The following TPTE variants were observed in gnomAD, a reference collection of about 807,000 sequenced individuals.
TPTE encodes transmembrane phosphatase with tensin homology.
In TPTE, 59 loss-of-function variants were observed where a neutral mutation model predicts 84.1. That is an observed-to-expected ratio of 0.70 (90% CI 0.57 to 0.87). TPTE has a LOEUF of 0.87. TPTE is among the 40% of genes least tolerant of loss of function. The pLI, the probability that TPTE is intolerant of heterozygous loss-of-function variation, is 0.00. For missense variants in TPTE, 382 were observed against 659.6 expected (o/e 0.58, Z 4.61); for synonymous variants, 130 against 223.5 (o/e 0.58, Z 3.73).
chr21:10,574,541 CAA>C (rs2075112152), intron 14 of TPTE, among the ~76,000 whole-genome samples: 1 of 152,310 alleles, frequency 6.6e-6, no homozygotes, highest in Non-Finnish European at 1.5e-5. Flanking sequence ...GCCGCGCTCA[CAA>C]AGAGGAATGA....
intron 11 of TPTE, among the ~76,000 whole-genome samples, chr21:10,568,543 G>C (rs1470311717): frequency 6.6e-6 from 1 of 152,310 alleles, no homozygotes. Flanking sequence ...TCCTAAGCTT[G>C]TTCATGGGTC....
chr21:10,523,605 T>C (rs1216481104), intron 1 of TPTE, among the ~76,000 whole-genome samples: 1 of 152,420 alleles, frequency 6.6e-6, no homozygotes, highest in African/African-American at 2.4e-5. Flanking sequence ...ATTTCATCCA[T>C]GTCCCTACAA....
intron 17 of TPTE, among the ~76,000 whole-genome samples, chr21:10,587,423 T>G (rs1288530155): frequency 6.6e-6 from 1 of 152,312 alleles, no homozygotes; most frequent in Non-Finnish European, 1.5e-5. Flanking sequence ...TTGATGTCCA[T>G]GAGCACCCAT....
intron 14 of TPTE, among the ~76,000 whole-genome samples, chr21:10,572,650 G>A (rs1416487544): frequency 1.3e-5 from 2 of 152,306 alleles, no homozygotes; most frequent in African/African-American, 4.8e-5. Flanking sequence ...ACGATACCTA[G>A]TAGAGCTATC....
At chr21:10,550,349 G>A (rs1157569997) in intron 7 of TPTE, among the ~76,000 whole-genome samples, 4 of 152,414 alleles carry the variant, frequency 2.6e-5, no homozygotes, top group Non-Finnish European at 5.9e-5. Flanking sequence ...TCACTTTACC[G>A]GTATAGAAAC....
chr21:10,522,070 C>T (rs1258373224), intron 1 of TPTE, among the ~76,000 whole-genome samples: 1 of 151,824 alleles, frequency 6.6e-6, no homozygotes, highest in African/African-American at 2.4e-5. Flanking sequence ...CCCCCGCCCG[C>T]GCCAGCCGGG....
At position 10,529,962 on chromosome 21, in the gene TPTE, CTATTA is replaced by C. The variant is rs1290778190; in HGVS notation, c.-44+2553_-44+2557del. 2.6e-5 allele frequency among the ~76,000 whole-genome samples: 4 copies of C among 152,408 alleles called. No individual in the cohort carries two copies. The East Asian group carries it at 5.8e-4, about 22-fold the overall frequency. On this transcript the variant is annotated intron_variant, in intron 3 of 23. Transcript: ENST00000618007. ...TTTTCTGTGTTTAATAAGTATCATT[CTATTA>C]TAAGGAGAGCTATTCCTACCCCTAT... is the stretch of plus-strand genomic sequence containing the variant.
At chr21:10,535,316 A>G (rs118125504) in intron 3 of TPTE, among the ~76,000 whole-genome samples, 1,895 of 151,652 alleles carry the variant, frequency 0.012, no homozygotes, top group South Asian at 0.064. Flanking sequence ...GTATATATAC[A>G]TATATACACA....
intron 18 of TPTE, 43 bp from the exon 19 acceptor site, chr21:10,592,250 A>G (rs2075492680): frequency 3.1e-6 from 5 of 1,610,650 alleles, no homozygotes; most frequent in East Asian, 2.2e-5. Context: ...AGGAAAGGAA[A>G]GAGTGCAGAT....
intron 1 of TPTE, 60 bp downstream of exon 1, chr21:10,521,754 TGGGGGGGGGTCTTGGAGGCGC>T (rs2073979456): frequency 3.8e-5 from 3 of 79,912 alleles, no homozygotes; most frequent in Non-Finnish European, 5.5e-5. Context: ...TCCTTTTTGT[TGGGGGGGGGTCTTGGAGGCGC>T]GAAGGCACTA....
intron 9 of TPTE, among the ~76,000 whole-genome samples, chr21:10,560,288 T>G (rs2145673792): frequency 6.6e-6 from 1 of 152,428 alleles, no homozygotes; most frequent in South Asian, 2.1e-4. Flanking sequence ...TACATAAGAG[T>G]AAGATTTCAT....
At chr21:10,541,046 T>C in intron 4 of TPTE, 66 bp from the exon 5 acceptor site, 2 of 1,593,354 alleles carry the variant, frequency 1.3e-6, no homozygotes, top group Non-Finnish European at 1.7e-6. Context: ...AGACTAACTG[T>C]AGCTATTTGT....
intron 17 of TPTE, among the ~76,000 whole-genome samples, chr21:10,587,555 T>C (rs1182993614): frequency 2.6e-5 from 4 of 152,364 alleles, no homozygotes; most frequent in South Asian, 4.1e-4. Context: ...GATTTCTTTT[T>C]TTTTTTTTTT....
intron 17 of TPTE, among the ~76,000 whole-genome samples, chr21:10,578,913 TACAA>T (rs1376939372): frequency 2.4e-5 from 1 of 41,992 alleles, no homozygotes; most frequent in African/African-American, 9.4e-5. Context: ...TCTCTCAAAA[TACAA>T]ACAGTCTTTA....
intron 7 of TPTE, among the ~76,000 whole-genome samples, chr21:10,551,431 A>AT (rs1555888283): frequency 0.22 from 30,744 of 142,884 alleles, 68 homozygotes; most frequent in African/African-American, 0.47. Flanking sequence ...AACTTAAAGT[A>AT]TAAAAAAAAA....
At chr21:10,522,090 C>A (rs1469662478) in intron 1 of TPTE, among the ~76,000 whole-genome samples, 1 of 152,042 alleles carries the variant, frequency 6.6e-6, no homozygotes, top group African/African-American at 2.4e-5. Flanking sequence ...GGCGCCCGCC[C>A]GGTCCTGCGG....
chr21:10,590,468 C>G lies in TPTE; in HGVS notation c.1034C>G (p.Thr345Arg). 6.2e-7 allele frequency: 1 copy of G among 1,614,078 alleles called. No individual in the cohort carries two copies. Among genetic ancestry groups the G allele is most frequent in the Non-Finnish European group, 8.5e-7 (1 of 1,179,918 alleles). The change falls in exon 18 of 24, where the codon ACA (threonine) becomes AGA (arginine). Residue 345 changes from threonine to arginine, a missense_variant. Thr to Arg is a moderately conservative substitution (Grantham distance 71). This residue lies in a region of TPTE where 37 missense variants were observed against 28.3 expected (regional missense o/e 1.31). Transcript: ENST00000618007. ...AIHCKGGTDR[T>R]GTMVCAFLIA... Reference sequence around the variant, plus strand: ...AACTTCTTTTCTTTTCTAGATAGAACAGGAACTATGGTTTGTGCCTTCCTT... The same window carrying G: ...AACTTCTTTTCTTTTCTAGATAGAAGAGGAACTATGGTTTGTGCCTTCCTT...
At chr21:10,549,582 A>G (rs1328742197) in intron 7 of TPTE, among the ~76,000 whole-genome samples, 1 of 152,312 alleles carries the variant, frequency 6.6e-6, no homozygotes, top group Non-Finnish European at 1.5e-5. Flanking sequence ...TTTACAGACA[A>G]GAACAAGCAG....
chr21:10,585,392 G>A (rs1259200191), intron 17 of TPTE, among the ~76,000 whole-genome samples: 1 of 152,294 alleles, frequency 6.6e-6, no homozygotes, highest in Non-Finnish European at 1.5e-5. Flanking sequence ...AAATAAATGT[G>A]GTTAATTGCA....
Sources: gnomAD v4.1 joint callset for allele counts (sites outside exome capture counted in the v4.1 genomes callset) on GRCh38, gnomAD v4.1.1 for gene constraint, gnomAD v4.1.1 regional missense constraint, MANE v1.5 for transcripts, NCBI Gene and HGNC (gene_info 2026-07-23, HGNC 2026-07-21) for gene names.